TACR1: variants seen among roughly 807,000 people sequenced by gnomAD.
The protein encoded by TACR1 is substance-P receptor.
Under a neutral mutation model 35.8 loss-of-function variants are expected in TACR1, and 25 were observed. The observed-to-expected ratio is 0.70, with a 90% CI of 0.51 to 0.98. The LOEUF (loss-of-function observed/expected upper bound fraction) is 0.98, where lower values mean the gene tolerates loss of function less well. Ranked by LOEUF, TACR1 falls within the 50% of genes least tolerant of loss-of-function variation. TACR1 has a pLI of 0.00. For synonymous variants in TACR1, 195 were observed against 206.7 expected, an observed-to-expected ratio of 0.94 and a Z score of 0.48; for missense variants, 478 against 522.9, an observed-to-expected ratio of 0.91 and a Z score of 0.84.
intron 1 of TACR1, among the ~76,000 whole-genome samples, chr2:75,165,575 T>C (rs890089822): frequency 6.6e-6 from 1 of 151,256 alleles, no homozygotes; most frequent in African/African-American, 2.4e-5. Flanking sequence ...CCCAAAGTGC[T>C]GGGATTACAG....
chr2:75,148,098 C>T (rs188614420), intron 1 of TACR1, among the ~76,000 whole-genome samples: 3 of 152,136 alleles, frequency 2.0e-5, no homozygotes, highest in East Asian at 1.9e-4. Flanking sequence ...TATGTACCAC[C>T]GTTTTTTAAT....
chr2:75,084,921 A>G (rs920020764), intron 2 of TACR1, among the ~76,000 whole-genome samples: 2 of 151,912 alleles, frequency 1.3e-5, no homozygotes, highest in African/African-American at 4.8e-5. Context: ...TTATGTCTCT[A>G]TCTCCTTCAG....
intron 2 of TACR1, among the ~76,000 whole-genome samples, chr2:75,106,922 A>G (rs1217770470): frequency 6.6e-6 from 1 of 151,790 alleles, no homozygotes; most frequent in Non-Finnish European, 1.5e-5. Flanking sequence ...GATAAAGACA[A>G]TGAGTGTGGA....
At chr2:75,070,870 G>A (rs914207098) in intron 2 of TACR1, among the ~76,000 whole-genome samples, 5 of 152,120 alleles carry the variant, frequency 3.3e-5, no homozygotes, top group Non-Finnish European at 4.4e-5. Context: ...CTATGGCAGG[G>A]GCCGCAAACT....
intron 1 of TACR1, among the ~76,000 whole-genome samples, chr2:75,160,312 G>A (rs185570085): frequency 3.4e-4 from 52 of 152,102 alleles, no homozygotes; most frequent in Admixed American, 2.7e-3. Context: ...GGAACATAAT[G>A]CTCAAAAGGC....
intron 2 of TACR1, among the ~76,000 whole-genome samples, chr2:75,115,833 G>C (rs2103897203): frequency 6.7e-6 from 1 of 149,126 alleles, no homozygotes; most frequent in East Asian, 2.0e-4. Context: ...CGTGAACCTG[G>C]GAGGCGGAGC....
intron 1 of TACR1, among the ~76,000 whole-genome samples, chr2:75,163,175 CAGATGGTGGAG>C (rs1183365877): frequency 9.9e-5 from 15 of 152,198 alleles, no homozygotes; most frequent in Admixed American, 9.8e-4. Context: ...CCTGAGTCAG[CAGATGGTGGAG>C]AGTCCCCATT....
chr2:75,096,137 C>A (rs1316883108), intron 2 of TACR1, among the ~76,000 whole-genome samples: 1 of 152,196 alleles, frequency 6.6e-6, no homozygotes, highest in Non-Finnish European at 1.5e-5. Flanking sequence ...CTGCAGTGCT[C>A]TTTTGGGCAC....
chr2:75,163,017 A>G (rs1391870144), intron 1 of TACR1, among the ~76,000 whole-genome samples: 1 of 152,228 alleles, frequency 6.6e-6, no homozygotes, highest in Non-Finnish European at 1.5e-5. Context: ...CTAACCAACA[A>G]AATGTGAGTG....
chr2:75,147,719 G>A (rs900932196), intron 1 of TACR1, among the ~76,000 whole-genome samples: 9 of 150,586 alleles, frequency 6.0e-5, no homozygotes, highest in Non-Finnish European at 1.2e-4. Flanking sequence ...CTTCATCCAA[G>A]TCCCTGCAAA....
chr2:75,119,243 A>G (rs1356930928), intron 2 of TACR1, among the ~76,000 whole-genome samples: 1 of 152,244 alleles, frequency 6.6e-6, no homozygotes, highest in Non-Finnish European at 1.5e-5. Context: ...GGCATTTAGT[A>G]GCTTACAAGG....
At chr2:75,191,701 T>G (rs1247778396) in intron 1 of TACR1, among the ~76,000 whole-genome samples, 1 of 152,182 alleles carries the variant, frequency 6.6e-6, no homozygotes, top group Admixed American at 6.5e-5. Flanking sequence ...GGGAGAAATT[T>G]GGCCCAGTTT....
chr2:75,052,552 C>T (rs1365501150), intron 3 of TACR1, among the ~76,000 whole-genome samples: 3 of 148,104 alleles, frequency 2.0e-5, no homozygotes, highest in Admixed American at 6.7e-5. Flanking sequence ...CAAAGAAGTA[C>T]CAAAGAAAAA....
intron 2 of TACR1, 111 bp downstream of exon 2, chr2:75,120,463 A>G (rs1032000189): frequency 1.0e-6 from 1 of 998,030 alleles, no homozygotes; most frequent in East Asian, 2.5e-5. Flanking sequence ...TTGCAGATAC[A>G]CATTAAATCT....
chr2:75,140,681 A>C (rs1435133772), intron 1 of TACR1, among the ~76,000 whole-genome samples: 1 of 152,224 alleles, frequency 6.6e-6, no homozygotes, highest in East Asian at 1.9e-4. Flanking sequence ...TCCTGAGGGC[A>C]TGCTGCCCAG....
At chr2:75,058,797 A>T (rs1672618714) in intron 2 of TACR1, among the ~76,000 whole-genome samples, 1 of 152,358 alleles carries the variant, frequency 6.6e-6, no homozygotes, top group South Asian at 2.1e-4. Context: ...CCTTAATGCC[A>T]CAATATCTTG....
intron 2 of TACR1, among the ~76,000 whole-genome samples, chr2:75,108,688 C>CA: frequency 6.6e-6 from 1 of 151,950 alleles, no homozygotes; most frequent in African/African-American, 2.4e-5. Context: ...AAGATGGAGA[C>CA]AAAATCATTA....
chr2:75,060,568 A>G (rs556883954), intron 2 of TACR1, among the ~76,000 whole-genome samples: 46 of 152,340 alleles, frequency 3.0e-4, no homozygotes, highest in African/African-American at 1.1e-3. Context: ...GAAGTGCCAC[A>G]AGACTTGGCT....
intron 2 of TACR1, among the ~76,000 whole-genome samples, chr2:75,087,467 A>G (rs1374056683): frequency 6.6e-6 from 1 of 152,222 alleles, no homozygotes; most frequent in African/African-American, 2.4e-5. Context: ...GTTGCAAACA[A>G]CAATCATCAT....
Sources: allele counts gnomAD v4.1 joint callset (sites outside exome capture counted in the v4.1 genomes callset), GRCh38; gene constraint gnomAD v4.1.1; transcripts MANE v1.5; gene names NCBI Gene and HGNC (gene_info 2026-07-23, HGNC 2026-07-21).